AGPAT4: variants seen among roughly 807,000 people sequenced by gnomAD.
AGPAT4 encodes 1-acyl-sn-glycerol-3-phosphate acyltransferase delta.
AGPAT4 carries 15 observed loss-of-function variants against 48.0 expected under a neutral mutation model. The observed-to-expected ratio is 0.31, with a 90% CI of 0.21 to 0.48. AGPAT4 has a LOEUF of 0.48. Ranked by LOEUF, AGPAT4 falls within the 20% of genes least tolerant of loss-of-function variation. The pLI is 0.99. For missense variants in AGPAT4, 314 were observed against 482.5 expected, an observed-to-expected ratio of 0.65 and a Z score of 3.27; for synonymous variants, 178 against 198.7, an observed-to-expected ratio of 0.90 and a Z score of 0.88.
intron 3 of AGPAT4, among the ~76,000 whole-genome samples, chr6:161,157,415 T>C (rs1779794340): frequency 2.0e-5 from 3 of 152,182 alleles, no homozygotes; most frequent in Admixed American, 2.0e-4. Flanking sequence ...CAGGTTCAAG[T>C]GATTCTCCTG....
intron 2 of AGPAT4, among the ~76,000 whole-genome samples, chr6:161,194,517 T>A (rs909631304): frequency 5.3e-5 from 8 of 151,814 alleles, no homozygotes; most frequent in African/African-American, 1.9e-4. Context: ...TGTAAGTATA[T>A]GTGTGTGTCT....
chr6:161,186,179 C>T (rs935190846), intron 2 of AGPAT4, among the ~76,000 whole-genome samples: 2 of 152,134 alleles, frequency 1.3e-5, no homozygotes, highest in African/African-American at 4.8e-5. Flanking sequence ...CAGCTCCAAC[C>T]CCCATGCCTC....
intron 3 of AGPAT4, among the ~76,000 whole-genome samples, chr6:161,157,309 G>C (rs1347186812): frequency 6.6e-6 from 1 of 152,232 alleles, no homozygotes; most frequent in Non-Finnish European, 1.5e-5. Flanking sequence ...CTCTGGGTCA[G>C]AAACAGTTTT....
In AGPAT4 at chr6:161,217,929, G is replaced by A. The variant is rs1382292174; in HGVS notation, c.178+14107C>T. On this transcript the variant is annotated intron_variant, in intron 2 of 8. Coordinates refer to ENST00000320285, the MANE Select transcript of AGPAT4 (RefSeq NM_020133.3). This position sits in a 1 kb window ranked among gnomAD's most constrained non-coding sequence, Gnocchi z 4.9. Reference sequence around the variant, plus strand: ...ATGCAGAACTCACCATCACTAGACTGTGACTGGGTTGAAGGACAAGGTCTC... The same window carrying A: ...ATGCAGAACTCACCATCACTAGACTATGACTGGGTTGAAGGACAAGGTCTC... Among the ~76,000 whole-genome samples the A allele has an allele frequency of 1.3e-5, 2 of 152,232 alleles. No individual in the cohort carries two copies. Among genetic ancestry groups the A allele is most frequent in the Non-Finnish European group, 1.5e-5 (1 of 68,040 alleles).
chr6:161,158,020 C>T lies in AGPAT4; in HGVS notation c.349-3710G>A, dbSNP rs1232114589. Among the ~76,000 whole-genome samples the T allele has an allele frequency of 6.6e-6, 1 of 152,200 alleles. No homozygotes were observed. The highest frequency in any genetic ancestry group is 1.5e-5 in the Non-Finnish European group (1 of 68,034). On this transcript the variant is annotated intron_variant, in intron 3 of 8. Coordinates refer to ENST00000320285, the MANE Select transcript of AGPAT4 (RefSeq NM_020133.3). The surrounding 1 kb of genome is among the most constrained non-coding windows in gnomAD (Gnocchi z 5.3). ...AAGTTGAGACTCTGACATGGGCGTT[C>T]AATAACTTGTAGCTATTATTTTCAT...
Position 161,159,109 on chromosome 6 carries a change from T to C in AGPAT4, c.349-4799A>G, listed in dbSNP as rs1779848702. On this transcript the variant is annotated intron_variant, in intron 3 of 8. Transcript: ENST00000320285. This position sits in a 1 kb window ranked among gnomAD's most constrained non-coding sequence, Gnocchi z 4.1. ...ACAGCCTGCCTTTGAGTCCTTTGAC[T>C]GTTTTCTTGACTACCAGCTGGAGCC... 6.6e-6 allele frequency among the ~76,000 whole-genome samples: 1 copy of C among 152,246 alleles called. No homozygotes were observed. The highest frequency in any genetic ancestry group is 2.4e-5 in the African/African-American group (1 of 41,470).
chr6:161,191,899 TTAAC>T (rs1241200330), intron 2 of AGPAT4, among the ~76,000 whole-genome samples: 1 of 152,182 alleles, frequency 6.6e-6, no homozygotes, highest in African/African-American at 2.4e-5. Flanking sequence ...AACAAGTGAT[TTAAC>T]TGTGTTTCTT....
rs972208721 is a variant in AGPAT4, at chr6:161,138,985, G to A, written c.1042+437C>T. Among the ~76,000 whole-genome samples the A allele has an allele frequency of 6.6e-6, 1 of 152,202 alleles. No homozygotes were observed. Among genetic ancestry groups the A allele is most frequent in the Admixed American group, 6.5e-5 (1 of 15,284 alleles). ...TGTCTCCACTCAGTGTCATCCACCT[G>A]CAGCAAAGGAGAAGCCACAGGCGCC... On this transcript the variant is annotated intron_variant, in intron 8 of 8. Transcript: ENST00000320285. The surrounding 1 kb of genome is among the most constrained non-coding windows in gnomAD (Gnocchi z 4.8).
rs1354136829 is a variant in AGPAT4, at chr6:161,198,200, T to C, written c.179-31783A>G. 6.6e-6 allele frequency among the ~76,000 whole-genome samples: 1 copy of C among 152,248 alleles called. No individual in the cohort carries two copies. The highest frequency in any genetic ancestry group is 1.5e-5 in the Non-Finnish European group (1 of 68,046). ...GTGGATATGCAAAAGATATTTATAT[T>C]CTTTCCTAAATAGAATAAAACCCTC... is the stretch of plus-strand genomic sequence containing the variant. On this transcript the variant is annotated intron_variant, in intron 2 of 8. Coordinates refer to ENST00000320285, the MANE Select transcript of AGPAT4 (RefSeq NM_020133.3). This position sits in a 1 kb window ranked among gnomAD's most constrained non-coding sequence, Gnocchi z 4.3.
At position 161,236,470 on chromosome 6, in the gene AGPAT4, C is replaced by G. The variant is rs185267017; in HGVS notation, c.-89-4168G>C. 6.6e-5 allele frequency among the ~76,000 whole-genome samples: 10 copies of G among 152,188 alleles called. No individual in the cohort carries two copies. Among genetic ancestry groups the G allele is most frequent in the African/African-American group, 2.4e-4 (10 of 41,516 alleles). On this transcript the variant is annotated intron_variant, in intron 1 of 8. Transcript: ENST00000320285. This position sits in a 1 kb window ranked among gnomAD's most constrained non-coding sequence, Gnocchi z 5.0. ...AATTCACCCCATGACCTTGAGACAC[C>G]CTAGGGATGGGAGTGCAGGAGGCCA...
At position 161,212,189 on chromosome 6, in the gene AGPAT4, T is replaced by A. The variant is rs577501518; in HGVS notation, c.178+19847A>T. ...TCTTATGGTCAAGATTAAAATTTTA[T>A]AGATTGTTTACAAAATTTTGAAAAA... is the stretch of plus-strand genomic sequence containing the variant. On this transcript the variant is annotated intron_variant, in intron 2 of 8. Coordinates refer to ENST00000320285, the MANE Select transcript of AGPAT4 (RefSeq NM_020133.3). The surrounding 1 kb of genome is among the most constrained non-coding windows in gnomAD (Gnocchi z 6.1). Among the ~76,000 whole-genome samples, 34 of 152,324 alleles carry A rather than the reference T, an allele frequency of 2.2e-4. No individual in the cohort carries two copies. Among genetic ancestry groups the A allele is most frequent in the African/African-American group, 7.5e-4 (31 of 41,588 alleles).
rs3798942 is a variant in AGPAT4, at chr6:161,245,689, A to C, written c.-89-13387T>G. On this transcript the variant is annotated intron_variant, in intron 1 of 8. Transcript: ENST00000320285. The surrounding 1 kb of genome is among the most constrained non-coding windows in gnomAD (Gnocchi z 5.2). ...TCTTTGGTAGGCCCCTCCCTCTCCT[A>C]CTCACTGTCCGTGAAGTGCCCTCAA... 0.2 allele frequency among the ~76,000 whole-genome samples: 31,055 copies of C among 151,922 alleles called. 5,569 individuals are homozygous for C. Among genetic ancestry groups the C allele is most frequent in the African/African-American group, 0.48 (19,957 of 41,446 alleles).
At position 161,208,113 on chromosome 6, in the gene AGPAT4, G is replaced by A. The variant is rs1047536008; in HGVS notation, c.178+23923C>T. On this transcript the variant is annotated intron_variant, in intron 2 of 8. Coordinates refer to ENST00000320285, the MANE Select transcript of AGPAT4 (RefSeq NM_020133.3). The surrounding 1 kb of genome is among the most constrained non-coding windows in gnomAD (Gnocchi z 4.6). The stretch of plus-strand genomic sequence containing the variant: ...ATCCTGTTAGTCTTGTTCAAAACAA[G>A]GCTAGGCTGAGTTCCAATTCTAATA... Among the ~76,000 whole-genome samples the A allele has an allele frequency of 6.6e-6, 1 of 152,064 alleles. No individual in the cohort carries two copies.
Position 161,143,894 on chromosome 6 carries a change from A to G in AGPAT4, c.843+2630T>C, listed in dbSNP as rs762004586. The G allele has an allele frequency of 2.3e-4, 70 of 302,086 alleles. No individual in the cohort carries two copies. The highest frequency in any genetic ancestry group is 4.1e-4 in the Non-Finnish European group (63 of 152,902). 18.7% of individuals were successfully genotyped at this position (302,086 alleles called of 1,614,324 possible). A position where few individuals can be genotyped will look rare whatever the true frequency, so the allele number is the denominator to read the frequency against. The stretch of plus-strand genomic sequence containing the variant: ...GCCATTCCCCTCCCATTTTGCAGAA[A>G]CTTTACTTGTCCATGAAATTGAAAA... On this transcript the variant is annotated intron_variant, in intron 7 of 8. Coordinates refer to ENST00000320285, the MANE Select transcript of AGPAT4 (RefSeq NM_020133.3). This position sits in a 1 kb window ranked among gnomAD's most constrained non-coding sequence, Gnocchi z 4.7.
Position 161,220,922 on chromosome 6 carries a change from T to A in AGPAT4, c.178+11114A>T, listed in dbSNP as rs1482120453. 1.3e-5 allele frequency among the ~76,000 whole-genome samples: 2 copies of A among 152,148 alleles called. No individual in the cohort carries two copies. Among genetic ancestry groups the A allele is most frequent in the Non-Finnish European group, 2.9e-5 (2 of 68,032 alleles). On this transcript the variant is annotated intron_variant, in intron 2 of 8. Transcript: ENST00000320285. The surrounding 1 kb of genome is among the most constrained non-coding windows in gnomAD (Gnocchi z 6.0). ...CCTCAGTCTCCCGAGTAGCTGGGAT[T>A]ACAGGCGCGTGCCACCACACCTGGC...
At position 161,197,111 on chromosome 6, in the gene AGPAT4, A is replaced by C. The variant is rs1312131709; in HGVS notation, c.179-30694T>G. 6.6e-6 allele frequency among the ~76,000 whole-genome samples: 1 copy of C among 152,206 alleles called. No homozygotes were observed. The highest frequency in any genetic ancestry group is 1.5e-5 in the Non-Finnish European group (1 of 68,032). On this transcript the variant is annotated intron_variant, in intron 2 of 8. Transcript: ENST00000320285. The surrounding 1 kb of genome is among the most constrained non-coding windows in gnomAD (Gnocchi z 5.7). Reference sequence around the variant, plus strand: ...CAAACTTGTTTCATGGAACGGATCCAGGAACACTTTAATTTGCCGATACTA... The same window carrying C: ...CAAACTTGTTTCATGGAACGGATCCCGGAACACTTTAATTTGCCGATACTA...
chr6:161,227,587 C>T (rs1024342609), intron 2 of AGPAT4, among the ~76,000 whole-genome samples: 7 of 152,196 alleles, frequency 4.6e-5, no homozygotes, highest in East Asian at 1.9e-4. Flanking sequence ...CCCTTGCTGC[C>T]GCTGTTCCTG....
At position 161,140,951 on chromosome 6, in the gene AGPAT4, C is replaced by T. The variant is rs908429266; in HGVS notation, c.844-1331G>A. On this transcript the variant is annotated intron_variant, in intron 7 of 8. Transcript: ENST00000320285. This position sits in a 1 kb window ranked among gnomAD's most constrained non-coding sequence, Gnocchi z 6.5. Reference sequence around the variant, plus strand: ...GTAATGTCCCAGTTCTCTAAGGAGTCGAGTTTTCTGGAAAATGAGCTTCCT... The same window carrying T: ...GTAATGTCCCAGTTCTCTAAGGAGTTGAGTTTTCTGGAAAATGAGCTTCCT... Among the ~76,000 whole-genome samples the T allele has an allele frequency of 3.3e-5, 5 of 152,168 alleles. No individual in the cohort carries two copies. Among genetic ancestry groups the T allele is most frequent in the African/African-American group, 7.2e-5 (3 of 41,428 alleles).
chr6:161,141,161 C>A lies in AGPAT4; in HGVS notation c.844-1541G>T, dbSNP rs6935947. ...ACACTAGGCCATTTTGGAAGGAGAA[C>A]CCCCAACCCCTTCCCTGGGCAGTTC... On this transcript the variant is annotated intron_variant, in intron 7 of 8. Coordinates refer to ENST00000320285, the MANE Select transcript of AGPAT4 (RefSeq NM_020133.3). The surrounding 1 kb of genome is among the most constrained non-coding windows in gnomAD (Gnocchi z 6.7). Among the ~76,000 whole-genome samples the A allele has an allele frequency of 1.3e-4, 20 of 152,038 alleles. No homozygotes were observed. Among genetic ancestry groups the A allele is most frequent in the South Asian group, 1.0e-3 (5 of 4,806 alleles).
Sources: allele counts gnomAD v4.1 joint callset (sites outside exome capture counted in the v4.1 genomes callset), GRCh38; gene constraint gnomAD v4.1.1; non-coding constraint Gnocchi (gnomAD v3.1); transcripts MANE v1.5; gene names NCBI Gene and HGNC (gene_info 2026-07-23, HGNC 2026-07-21).